MFNG: variants seen among roughly 807,000 people sequenced by gnomAD.
The protein encoded by MFNG is beta-1,3-N-acetylglucosaminyltransferase manic fringe.
In MFNG, 24 loss-of-function variants were observed where a neutral mutation model predicts 34.2. That is an observed-to-expected ratio of 0.70 (90% CI 0.51 to 0.99). MFNG has a LOEUF of 0.99. Ranked by LOEUF, MFNG falls within the 50% of genes least tolerant of loss-of-function variation. The pLI, the probability that MFNG is intolerant of heterozygous loss-of-function variation, is 0.00. For missense variants in MFNG, 383 were observed against 424.0 expected, an observed-to-expected ratio of 0.90 and a Z score of 0.85; for synonymous variants, 158 against 179.2, an observed-to-expected ratio of 0.88 and a Z score of 0.94.
Position 37,482,516 on chromosome 22 carries a change from A to G in MFNG, c.256-1747T>C, listed in dbSNP as rs1271692744. Among the ~76,000 whole-genome samples the G allele has an allele frequency of 6.6e-6, 1 of 151,896 alleles. No homozygotes were observed. The highest frequency in any genetic ancestry group is 1.5e-5 in the Non-Finnish European group (1 of 67,972). On this transcript the variant is annotated intron_variant, in intron 1 of 7. Coordinates refer to ENST00000356998, the MANE Select transcript of MFNG (RefSeq NM_002405.4). This position sits in a 1 kb window ranked among gnomAD's most constrained non-coding sequence, Gnocchi z 4.1. ...ACGCCTCTGAGCCTCTGCGCATGCT[A>G]TGCCCTCTTTCCACCCTCTAGCTCC...
In MFNG at chr22:37,480,283, G is replaced by A; in HGVS notation, c.321C>T (p.Val107=). 1.2e-6 allele frequency: 2 copies of A among 1,613,764 alleles called. No individual in the cohort carries two copies. Among genetic ancestry groups the A allele is most frequent in the Non-Finnish European group, 1.7e-6 (2 of 1,179,708 alleles). The change falls in exon 3 of 8, where the codon GTC becomes GTT. Residue 107 remains valine (V), a synonymous_variant. Transcript: ENST00000356998. ...LQERLGSHLV[V]TNCSAEHSHP... is the part of the protein sequence containing the mutation. ...GGCTGTGTTCCGCGGAGCAGTTGGTGACCACAAGGTGGGACCCTGGAGAAG... is the reference window on the plus strand; with the variant it reads ...GGCTGTGTTCCGCGGAGCAGTTGGTAACCACAAGGTGGGACCCTGGAGAAG...
chr22:37,480,510 C>T (rs1922247164), intron 2 of MFNG, among the ~76,000 whole-genome samples: 1 of 152,198 alleles, frequency 6.6e-6, no homozygotes, highest in African/African-American at 2.4e-5. Context: ...CTCAGGTGTC[C>T]AGGGCCTTGT....
In MFNG at chr22:37,483,087, C is replaced by T. The variant is rs951873572; in HGVS notation, c.256-2318G>A. The stretch of plus-strand genomic sequence containing the variant: ...GCTTAACACATCAAGACTGAGCCCC[C>T]GTTCTCCCCAAGACCTGCTCCTCCC... On this transcript the variant is annotated intron_variant, in intron 1 of 7. Coordinates refer to ENST00000356998, the MANE Select transcript of MFNG (RefSeq NM_002405.4). The surrounding 1 kb of genome is among the most constrained non-coding windows in gnomAD (Gnocchi z 4.5). 3.9e-5 allele frequency among the ~76,000 whole-genome samples: 6 copies of T among 152,238 alleles called. 1 individual carries two copies. Among genetic ancestry groups the T allele is most frequent in the Non-Finnish European group, 2.9e-5 (2 of 67,986 alleles).
rs1035037111 is a variant in MFNG at position 37,470,098 on chromosome 22, G to T, written c.900-69C>A. 10 of 1,231,848 alleles carry T rather than the reference G, an allele frequency of 8.1e-6. No homozygotes were observed. In the African/African-American group the frequency reaches 1.5e-4, roughly 18 times the overall value. The allele number at this position is 1,231,848 out of a possible 1,614,324, so 76.3% of individuals were successfully genotyped here. ...CTGCTCTCAGCCCACTCTCCTAGGTGCACACATGCCACAGAGGCGGTTTGG... is the reference window on the plus strand; with the variant it reads ...CTGCTCTCAGCCCACTCTCCTAGGTTCACACATGCCACAGAGGCGGTTTGG... On this transcript the variant is annotated intron_variant, in intron 7 of 7. Coordinates refer to ENST00000356998, the MANE Select transcript of MFNG (RefSeq NM_002405.4).
rs1921957877 is a variant in MFNG, at chr22:37,474,615, T to C, written c.710A>G (p.Tyr237Cys). ...IRLPDDCTMG[Y>C]IIECKLGGRL... ...GCCGCCCAGCTTGCACTCAATGATA[T>C]AGCCCATGGTGCAGTCATCAGGCAG... The change falls in exon 6 of 8, where the codon TAT becomes TGT. Residue 237 changes from tyrosine (Y) to cysteine (C), a missense_variant. Coordinates refer to ENST00000356998, the MANE Select transcript of MFNG (RefSeq NM_002405.4). 6.2e-7 allele frequency: 1 copy of C among 1,613,918 alleles called. No homozygotes were observed. Among genetic ancestry groups the C allele is most frequent in the East Asian group, 2.2e-5 (1 of 44,882 alleles).
chr22:37,469,653 C>T lies in MFNG; in HGVS notation c.*310G>A, dbSNP rs995845230. 4 of 450,514 alleles carry T rather than the reference C, an allele frequency of 8.9e-6. No individual in the cohort carries two copies. Among genetic ancestry groups the T allele is most frequent in the South Asian group, 2.0e-5 (1 of 50,142 alleles). The allele number at this position is 450,514 out of a possible 1,614,324, so 27.9% of individuals were successfully genotyped here. A position where few individuals can be genotyped will look rare whatever the true frequency, so the allele number is the denominator to read the frequency against. The stretch of plus-strand genomic sequence containing the variant: ...CATGTCACTGCCTAAAGGGTTAGGA[C>T]CCCTGAGCCCCAGCCCAGCTCAAGT... On this transcript the variant is annotated 3_prime_UTR_variant, in exon 8 of 8. Transcript: ENST00000356998.
chr22:37,484,926 C>T (rs917076128), intron 1 of MFNG, among the ~76,000 whole-genome samples: 2 of 152,172 alleles, frequency 1.3e-5, no homozygotes. Context: ...TCTCCAAAGA[C>T]TCAGTCACTT....
rs982682975 is a variant in MFNG at position 37,485,055 on chromosome 22, T to A, written c.255+868A>T. ...CTAACACCGACATCACTAACTTTGCTTAAGGAAGATACTGGATGCGAGGAG... is the reference window on the plus strand; with the variant it reads ...CTAACACCGACATCACTAACTTTGCATAAGGAAGATACTGGATGCGAGGAG... On this transcript the variant is annotated intron_variant, in intron 1 of 7. Coordinates refer to ENST00000356998, the MANE Select transcript of MFNG (RefSeq NM_002405.4). The surrounding 1 kb of genome is among the most constrained non-coding windows in gnomAD (Gnocchi z 5.3). Among the ~76,000 whole-genome samples the A allele has an allele frequency of 5.3e-5, 8 of 151,986 alleles. No individual in the cohort carries two copies. The highest frequency in any genetic ancestry group is 1.7e-4 in the African/African-American group (7 of 41,356).
At chr22:37,470,065 C>T (rs1415520466) in intron 7 of MFNG, 36 bp from the exon 8 acceptor site, 4 of 1,517,470 alleles carry the variant, frequency 2.6e-6, no homozygotes, top group South Asian at 1.2e-5. Context: ...GATGGTCACC[C>T]CCCACTTCTG....
intron 3 of MFNG, 41 bp from the exon 4 acceptor site, chr22:37,479,539 T>G: frequency 6.3e-7 from 1 of 1,598,732 alleles, no homozygotes; most frequent in Non-Finnish European, 8.5e-7. Flanking sequence ...GTTGGGGGGG[T>G]TCCAAGCCAG....
intron 4 of MFNG, 69 bp downstream of exon 4, chr22:37,479,276 C>T: frequency 6.8e-7 from 1 of 1,470,464 alleles, no homozygotes; most frequent in Non-Finnish European, 9.0e-7. Context: ...AGCACACCCC[C>T]ACCCCCAGGA....
intron 7 of MFNG, among the ~76,000 whole-genome samples, chr22:37,471,550 G>A (rs560840186): frequency 3.0e-3 from 461 of 152,242 alleles, no homozygotes; most frequent in Non-Finnish European, 5.1e-3. Context: ...CCATAGCTGG[G>A]CCGGGGGCAG....
At chr22:37,477,424 G>A (rs1922092659) in intron 4 of MFNG, among the ~76,000 whole-genome samples, 1 of 152,078 alleles carries the variant, frequency 6.6e-6, no homozygotes, top group East Asian at 1.9e-4. Context: ...CAAAGGTCAG[G>A]CTGTGTCCAA....
In MFNG at chr22:37,486,230, G is replaced by T; in HGVS notation, c.-53C>A. ...CAGCCCCCAAATCCCAACCAGACAG[G>T]GAGGGGAAGCTGGTCAGGCAGGGGC... On this transcript the variant is annotated 5_prime_UTR_variant, in exon 1 of 8. Coordinates refer to ENST00000356998, the MANE Select transcript of MFNG (RefSeq NM_002405.4). 3 of 1,464,576 alleles carry T rather than the reference G, an allele frequency of 2.0e-6. No homozygotes were observed. The highest frequency in any genetic ancestry group is 2.7e-6 in the Non-Finnish European group (3 of 1,109,674). 90.7% of individuals were successfully genotyped at this position (1,464,576 alleles called of 1,614,324 possible). A position where few individuals can be genotyped will look rare whatever the true frequency, so the allele number is the denominator to read the frequency against.
Position 37,480,299 on chromosome 22 carries a change from C to T in MFNG, c.305G>A (p.Gly102Glu). Residue 102 changes from glycine (G) to glutamate (E), a missense_variant and splice_region_variant, in exon 3 of 8, where the codon GGG (glycine) becomes GAG (glutamate). Gly to Glu is a moderately conservative substitution (Grantham distance 98). Coordinates refer to ENST00000356998, the MANE Select transcript of MFNG (RefSeq NM_002405.4). ...GCAGTTGGTGACCACAAGGTGGGAC[C>T]CTGGAGAAGTGAGGAGGAGTCAGGG... is the stretch of plus-strand genomic sequence containing the variant. ...SPDKGLQERL[G>E]SHLVVTNCSA... is the part of the protein sequence containing the mutation. 1 of 1,613,056 alleles carries T rather than the reference C, an allele frequency of 6.2e-7. No homozygotes were observed. Among genetic ancestry groups the T allele is most frequent in the South Asian group, 1.1e-5 (1 of 91,044 alleles).
In MFNG at chr22:37,483,552, A is replaced by G. The variant is rs138104260; in HGVS notation, c.255+2371T>C. Among the ~76,000 whole-genome samples the G allele has an allele frequency of 0.016, 2,369 of 151,678 alleles. 77 individuals are homozygous for G. Among genetic ancestry groups the G allele is most frequent in the African/African-American group, 0.055 (2,263 of 41,286 alleles). On this transcript the variant is annotated intron_variant, in intron 1 of 7. Transcript: ENST00000356998. The surrounding 1 kb of genome is among the most constrained non-coding windows in gnomAD (Gnocchi z 4.5). Reference sequence around the variant, plus strand: ...AATAGGCACTTTGGGAGGCCAAGGCAGGTGGATCATTTGAGGCCAGGAGTT... The same window carrying G: ...AATAGGCACTTTGGGAGGCCAAGGCGGGTGGATCATTTGAGGCCAGGAGTT...
chr22:37,484,880 T>C (rs2145741012), intron 1 of MFNG, among the ~76,000 whole-genome samples: 1 of 152,060 alleles, frequency 6.6e-6, no homozygotes, highest in South Asian at 2.1e-4. Flanking sequence ...AGCCATCCTC[T>C]CCCCCTCCTT....
intron 4 of MFNG, among the ~76,000 whole-genome samples, chr22:37,478,761 C>T (rs1374660936): frequency 6.6e-6 from 1 of 152,128 alleles, no homozygotes; most frequent in Non-Finnish European, 1.5e-5. Context: ...TCACTGCAAC[C>T]TCCGCCTCCT....
chr22:37,480,638 A>G, intron 2 of MFNG, 83 bp downstream of exon 2: 3 of 1,338,922 alleles, frequency 2.2e-6, no homozygotes, highest in Non-Finnish European at 2.1e-6. Context: ...TTTCCTGGGA[A>G]CCCTCAGGCC....
Sources: allele counts gnomAD v4.1 joint callset (sites outside exome capture counted in the v4.1 genomes callset), GRCh38; gene constraint gnomAD v4.1.1; non-coding constraint Gnocchi (gnomAD v3.1); transcripts MANE v1.5; gene names NCBI Gene and HGNC (gene_info 2026-07-23, HGNC 2026-07-21).